Variants in MAN2C1 observed in about 807,000 individuals in gnomAD.
The protein encoded by MAN2C1 is mannosidase alpha class 2C member 1, also known as alpha-mannosidase 2C1.
Under a neutral mutation model 126.9 loss-of-function variants are expected in MAN2C1, and 111 were observed. The ratio of observed to expected loss-of-function variants is 0.87; its 90% CI spans 0.75 to 1.02. The LOEUF (loss-of-function observed/expected upper bound fraction) is 1.02, where lower values mean the gene tolerates loss of function less well. Ranked by LOEUF, MAN2C1 falls within the 50% of genes least tolerant of loss-of-function variation. MAN2C1 has a pLI of 0.00. For missense variants in MAN2C1, 1,363 were observed against 1,364.4 expected, an observed-to-expected ratio of 1.00 and a Z score of 0.02; for synonymous variants, 567 against 561.5, an observed-to-expected ratio of 1.01 and a Z score of -0.14.
chr15:75,358,946 C>A (rs2072405064), intron 18 of MAN2C1, 113 bp downstream of exon 18: 1 of 1,501,050 alleles, frequency 6.7e-7, no homozygotes, highest in East Asian at 2.3e-5. Context: ...TGTGTGGGTT[C>A]CAGCCCAGAG....
intron 12 of MAN2C1, 49 bp downstream of exon 12, chr15:75,360,997 T>C (rs185480367): frequency 7.0e-6 from 11 of 1,572,910 alleles, no homozygotes; most frequent in South Asian, 1.2e-5. Flanking sequence ...GCAGGGCTCA[T>C]GGCAAGGGCC....
At position 75,356,919 on chromosome 15, in the gene MAN2C1, A is replaced by T. The variant is rs1234576637; in HGVS notation, c.2548-17T>A. 1 of 1,608,794 alleles carries T rather than the reference A, an allele frequency of 6.2e-7. No individual in the cohort carries two copies. The highest frequency in any genetic ancestry group is 1.1e-5 in the South Asian group (1 of 90,958). ...GGCCCACACCTGGAGGGCAGATCCA[A>T]GACCCACTTGGTGGCCCTGTGCCCC... On this transcript the variant is annotated splice_polypyrimidine_tract_variant and intron_variant, in intron 21 of 25. Coordinates refer to ENST00000267978, the MANE Select transcript of MAN2C1 (RefSeq NM_006715.4). This position sits in a 1 kb window ranked among gnomAD's most constrained non-coding sequence, Gnocchi z 5.8.
chr15:75,362,502 C>T lies in MAN2C1; in HGVS notation c.898-49G>A. 1 of 1,552,398 alleles carries T rather than the reference C, an allele frequency of 6.4e-7. No individual in the cohort carries two copies. On this transcript the variant is annotated intron_variant, in intron 7 of 25. Transcript: ENST00000267978. This position sits in a 1 kb window ranked among gnomAD's most constrained non-coding sequence, Gnocchi z 4.5. ...GGGACCAGAGTGACAAGGGCCCCACCCAGGACTGAGCATATGGGACTCAGT... is the reference window on the plus strand; with the variant it reads ...GGGACCAGAGTGACAAGGGCCCCACTCAGGACTGAGCATATGGGACTCAGT...
chr15:75,366,648 A>T (rs2072581539), intron 3 of MAN2C1, 56 bp from the exon 4 acceptor site: 2 of 1,379,728 alleles, frequency 1.4e-6, no homozygotes, highest in South Asian at 2.5e-5. Flanking sequence ...CAGTTCAGGT[A>T]AAGTGTAAGC....
chr15:75,361,250 C>T lies in MAN2C1; in HGVS notation c.1314+36G>A, dbSNP rs753052690. ...CCTGGAACAAGCCAGCCCTCTCCAGCCTGCCCCTACCCCACCACCCTAGGT... is the reference window on the plus strand; with the variant it reads ...CCTGGAACAAGCCAGCCCTCTCCAGTCTGCCCCTACCCCACCACCCTAGGT... On this transcript the variant is annotated intron_variant, in intron 11 of 25. Coordinates refer to ENST00000267978, the MANE Select transcript of MAN2C1 (RefSeq NM_006715.4). This position sits in a 1 kb window ranked among gnomAD's most constrained non-coding sequence, Gnocchi z 5.0. The T allele has an allele frequency of 2.1e-5, 33 of 1,584,406 alleles. No homozygotes were observed. Among genetic ancestry groups the T allele is most frequent in the Non-Finnish European group, 2.5e-5 (29 of 1,165,604 alleles).
At chr15:75,358,070 G>T in intron 21 of MAN2C1, 131 bp downstream of exon 21, 1 of 1,148,604 alleles carries the variant, frequency 8.7e-7, no homozygotes, top group Non-Finnish European at 1.2e-6. Context: ...AAAGCATTTA[G>T]TGCAATGCCT....
chr15:75,362,478 G>A lies in MAN2C1; in HGVS notation c.898-25C>T. ...CCTGTGGGCAGGTTGAAGGGAGCTGGGACCAGAGTGACAAGGGCCCCACCC... is the reference window on the plus strand; with the variant it reads ...CCTGTGGGCAGGTTGAAGGGAGCTGAGACCAGAGTGACAAGGGCCCCACCC... On this transcript the variant is annotated intron_variant, in intron 7 of 25. Transcript: ENST00000267978. The surrounding 1 kb of genome is among the most constrained non-coding windows in gnomAD (Gnocchi z 4.5). The A allele has an allele frequency of 6.9e-6, 11 of 1,583,406 alleles. No homozygotes were observed. The highest frequency in any genetic ancestry group is 9.5e-6 in the Non-Finnish European group (11 of 1,163,428).
At position 75,362,416 on chromosome 15, in the gene MAN2C1, C is replaced by G; in HGVS notation, c.935G>C (p.Gly312Ala). 4 of 1,613,692 alleles carry G rather than the reference C, an allele frequency of 2.5e-6. No individual in the cohort carries two copies. The South Asian group carries it at 4.4e-5, about 18-fold the overall frequency. ...AAACTCCTGGATGCGGGAGTACAGG[C>G]CAGGGTAGCGGCTCTTCACCCATTC... The part of the protein sequence containing the change: ...QLEWVKSRYP[G>A]LYSRIQEFAC... The change falls in exon 8 of 26, where the codon GGC (glycine) becomes GCC (alanine). Residue 312 changes from glycine (G) to alanine (A), a missense_variant. Physicochemically the swap from Gly to Ala is moderately conservative, Grantham distance 60. Around this residue, in one of 3 missense-constraint regions of MAN2C1, gnomAD observed 628 missense variants for 609.8 expected, o/e 1.03. Coordinates refer to ENST00000267978, the MANE Select transcript of MAN2C1 (RefSeq NM_006715.4). This position sits in a 1 kb window ranked among gnomAD's most constrained non-coding sequence, Gnocchi z 4.5.
In MAN2C1 at chr15:75,359,970, C is replaced by A; in HGVS notation, c.1725G>T (p.Gln575His). ...QHLWRLLLLN[Q>H]FHDVVTGSCI... ...AGCTTCCAGTCACCACATCATGGAA[C>A]TGGTTCAGAAGAAGGAGCCTGCAGG... Residue 575 changes from glutamine to histidine, a missense_variant, in exon 15 of 26, where the codon CAG becomes CAT. Transcript: ENST00000267978. 1 of 1,613,964 alleles carries A rather than the reference C, an allele frequency of 6.2e-7. No homozygotes were observed. Among genetic ancestry groups the A allele is most frequent in the East Asian group, 2.2e-5 (1 of 44,886 alleles).
At position 75,363,806 on chromosome 15, in the gene MAN2C1, C is replaced by CAA. The variant is rs773976642; in HGVS notation, c.790+191_790+192dup. ...GGGTGACAAGAGTGAGACTCCGTCT[C>CAA]AAAAAAAAAAAAAGTGAATCCAAAG... On this transcript the variant is annotated intron_variant, in intron 6 of 25. Transcript: ENST00000267978. The CAA allele has an allele frequency of 8.1e-3, 4,166 of 511,630 alleles. 28 individuals carry two copies. Among genetic ancestry groups the CAA allele is most frequent in the East Asian group, 0.079 (2,188 of 27,664 alleles). 31.7% of individuals were successfully genotyped at this position (511,630 alleles called of 1,614,324 possible).
At position 75,359,351 on chromosome 15, in the gene MAN2C1, G is replaced by T. The variant is rs751514976; in HGVS notation, c.2023C>A (p.Gln675Lys). 2 of 1,599,660 alleles carry T rather than the reference G, an allele frequency of 1.3e-6. No homozygotes were observed. Among genetic ancestry groups the T allele is most frequent in the Non-Finnish European group, 1.7e-6 (2 of 1,172,838 alleles). The change falls in exon 17 of 26, where the codon CAG becomes AAG. Residue 675 changes from glutamine to lysine, a missense_variant. Coordinates refer to ENST00000267978, the MANE Select transcript of MAN2C1 (RefSeq NM_006715.4). The stretch of plus-strand genomic sequence containing the variant: ...ACCTCTTGCACTACGAACACAGGCT[G>T]CTGGGGCAGCAGGGGCTGCAGTGAG... ...PTSLQPLLPQ[Q>K]PVFVVQETDG...
intron 13 of MAN2C1, 54 bp downstream of exon 13, chr15:75,360,511 C>A: frequency 6.2e-7 from 1 of 1,601,774 alleles, no homozygotes; most frequent in South Asian, 1.1e-5. Flanking sequence ...TTCTCTGACC[C>A]TCTGCAGATC....
In MAN2C1 at chr15:75,360,531, C is replaced by G. The variant is rs764720771; in HGVS notation, c.1584+34G>C. 18 of 1,609,084 alleles carry G rather than the reference C, an allele frequency of 1.1e-5. No individual in the cohort carries two copies. The African/African-American group carries it at 1.2e-4, about 11-fold the overall frequency. On this transcript the variant is annotated intron_variant, in intron 13 of 25. Transcript: ENST00000267978. ...TGACCCTCTGCAGATCAAGGGCACA[C>G]CCTCCCTGCACAGCCCTGCAACCTC...
chr15:75,365,582 TG>T, intron 4 of MAN2C1: 1 of 174,794 alleles, frequency 5.7e-6, no homozygotes, highest in South Asian at 1.0e-4. Context: ...AAAAATTAGC[TG>T]GGCATGGTGG....
Position 75,361,984 on chromosome 15 carries a change from C to G in MAN2C1, c.1009-37G>C. ...GGAAGTGGGAGGCAGCCCAGGTCAG[C>G]GCTGGACGGGGAGCAGGCAGGCGCT... On this transcript the variant is annotated intron_variant, in intron 8 of 25. Coordinates refer to ENST00000267978, the MANE Select transcript of MAN2C1 (RefSeq NM_006715.4). This position sits in a 1 kb window ranked among gnomAD's most constrained non-coding sequence, Gnocchi z 5.0. 6.6e-7 allele frequency: 1 copy of G among 1,523,178 alleles called. No individual in the cohort carries two copies. The highest frequency in any genetic ancestry group is 9.1e-7 in the Non-Finnish European group (1 of 1,098,096). The allele number at this position is 1,523,178 out of a possible 1,614,324, so 94.4% of individuals were successfully genotyped here.
In MAN2C1 at chr15:75,368,260, C is replaced by G. The variant is rs947514159; in HGVS notation, c.102-62G>C. The G allele has an allele frequency of 3.9e-6, 6 of 1,535,758 alleles. No homozygotes were observed. In the African/African-American group the frequency reaches 8.3e-5, roughly 21 times the overall value. On this transcript the variant is annotated intron_variant, in intron 1 of 25. Coordinates refer to ENST00000267978, the MANE Select transcript of MAN2C1 (RefSeq NM_006715.4). ...CGCCCCGTTTCCGCCTGGGGGCCAG[C>G]TGGCCGGTGGGGCCGCACTTTCCCT...
rs779157187 is a variant in MAN2C1 at position 75,368,537 on chromosome 15, C to G, written c.47G>C (p.Arg16Pro). ...GAGCGGCGACACGAACTTCTCCACCCGCTCCAGCGTGGTGCGCCAGTGCTT... is the reference window on the plus strand; with the variant it reads ...GAGCGGCGACACGAACTTCTCCACCGGCTCCAGCGTGGTGCGCCAGTGCTT... Reference protein sequence around the residue: ...ALKHWRTTLERVEKFVSPLYF... With the variant: ...ALKHWRTTLEPVEKFVSPLYF... The change falls in exon 1 of 26, where the codon CGG becomes CCG. Residue 16 changes from arginine (R) to proline (P), a missense_variant. By Grantham distance (103) the Arg-to-Pro change is moderately radical. Coordinates refer to ENST00000267978, the MANE Select transcript of MAN2C1 (RefSeq NM_006715.4). The G allele has an allele frequency of 6.4e-7, 1 of 1,554,766 alleles. No homozygotes were observed. The highest frequency in any genetic ancestry group is 1.4e-5 in the African/African-American group (1 of 73,332).
In MAN2C1 at chr15:75,364,109, T is replaced by G; in HGVS notation, c.680A>C (p.Gln227Pro). Residue 227 changes from glutamine (Q) to proline (P), a missense_variant, in exon 6 of 26, where the codon CAG (glutamine) becomes CCG (proline). Physicochemically the swap from Gln to Pro is moderately conservative, Grantham distance 76. Around this residue, in one of 3 missense-constraint regions of MAN2C1, gnomAD observed 628 missense variants for 609.8 expected, o/e 1.03. Transcript: ENST00000267978. ...CTGGGCCACTGGGAAGGTCTCGGGC[T>G]GGGCAGGGTCACACACGTTCACCAT... ...NQMVNVCDPA[Q>P]PETFPVAQAL... 1 of 1,614,212 alleles carries G rather than the reference T, an allele frequency of 6.2e-7. No individual in the cohort carries two copies. The highest frequency in any genetic ancestry group is 8.5e-7 in the Non-Finnish European group (1 of 1,180,026).
At position 75,368,095 on chromosome 15, in the gene MAN2C1, C is replaced by A; in HGVS notation, c.205G>T (p.Val69Phe). The A allele has an allele frequency of 6.2e-7, 1 of 1,607,842 alleles. No individual in the cohort carries two copies. The highest frequency in any genetic ancestry group is 8.5e-7 in the Non-Finnish European group (1 of 1,178,038). Residue 69 changes from valine (V) to phenylalanine (F), a missense_variant, in exon 2 of 26, where the codon GTC (valine) becomes TTC (phenylalanine). Val to Phe is a conservative substitution (Grantham distance 50, BLOSUM62 -1). This residue lies in a region of MAN2C1 where 628 missense variants were observed against 609.8 expected (regional missense o/e 1.03). Coordinates refer to ENST00000267978, the MANE Select transcript of MAN2C1 (RefSeq NM_006715.4). Reference sequence around the variant, plus strand: ...TACGTGGGTCCGAAGCTGTCGCCGACCTGCGCGGGGCGGAAGTCCCGCTGG... The same window carrying A: ...TACGTGGGTCCGAAGCTGTCGCCGAACTGCGCGGGGCGGAAGTCCCGCTGG... ...AVQRDFRPAQ[V>F]GDSFGPTWWT...
Sources: allele counts gnomAD v4.1 joint callset, GRCh38; gene constraint gnomAD v4.1.1; regional missense constraint gnomAD v4.1.1; non-coding constraint Gnocchi (gnomAD v3.1); transcripts MANE v1.5; gene names NCBI Gene and HGNC (gene_info 2026-07-23, HGNC 2026-07-21).